NEXMIF: variants seen among roughly 807,000 people sequenced by gnomAD.
NEXMIF encodes the protein neurite extension and migration factor.
Under a neutral mutation model 62.1 loss-of-function variants are expected in NEXMIF, and 8 were observed. That is an observed-to-expected ratio of 0.13 (90% confidence interval 0.08 to 0.23). NEXMIF has a LOEUF of 0.23. NEXMIF is among the 10% of genes least tolerant of loss of function. The pLI, the probability that NEXMIF is intolerant of heterozygous loss-of-function variation, is 1.00. For missense variants in NEXMIF, 976 were observed against 1,113.3 expected (o/e 0.88, Z 1.75); for synonymous variants, 404 against 416.6 (o/e 0.97, Z 0.37).
At position 74,735,797 on chromosome X, in the gene NEXMIF, A is replaced by C. The variant is rs1383769096; in HGVS notation, c.*3608T>G. On this transcript the variant is annotated 3_prime_UTR_variant, in exon 4 of 4. Coordinates refer to ENST00000055682, the MANE Select transcript of NEXMIF (RefSeq NM_001008537.3). Reference sequence around the variant, plus strand: ...GAAGGGAAAGCTGGGAGGAAGCAGCATATGTGAAGAAGCTGGTATAAGAGA... The same window carrying C: ...GAAGGGAAAGCTGGGAGGAAGCAGCCTATGTGAAGAAGCTGGTATAAGAGA... The C allele has an allele frequency of 1.8e-5, 2 of 112,158 alleles. No homozygotes were observed. The highest frequency in any genetic ancestry group is 6.5e-5 in the African/African-American group (2 of 30,776). 9.2% of individuals were successfully genotyped at this position (112,158 alleles called of 1,213,427 possible).
intron 1 of NEXMIF, among the ~76,000 whole-genome samples, chrX:74,793,533 A>T (rs969598740): frequency 9.0e-6 from 1 of 110,977 alleles, no homozygotes; most frequent in African/African-American, 3.3e-5. Flanking sequence ...GCCTTGCTAG[A>T]TTGGGGAAGT....
chrX:74,889,699 A>AGC (rs397827456), intron 1 of NEXMIF, among the ~76,000 whole-genome samples: 1 of 109,439 alleles, frequency 9.1e-6, no homozygotes, highest in East Asian at 3.0e-4. Context: ...TTAAAAAGAG[A>AGC]GCTAATAAGG....
At chrX:74,883,130 C>T (rs982024567) in intron 1 of NEXMIF, among the ~76,000 whole-genome samples, 2 of 111,502 alleles carry the variant, frequency 1.8e-5, no homozygotes, top group Admixed American at 9.6e-5. Flanking sequence ...GACATACACA[C>T]CAAAAACCCA....
intron 1 of NEXMIF, among the ~76,000 whole-genome samples, chrX:74,874,096 G>C (rs1400060402): frequency 4.6e-5 from 5 of 107,828 alleles, no homozygotes; most frequent in African/African-American, 1.7e-4. Flanking sequence ...GTAATGCCTA[G>C]GTTTTCTTCT....
intron 1 of NEXMIF, among the ~76,000 whole-genome samples, chrX:74,786,272 AC>A (rs2080260038): frequency 8.9e-6 from 1 of 112,142 alleles, no homozygotes; most frequent in Non-Finnish European, 1.9e-5. Flanking sequence ...GATTTATATC[AC>A]ACAGAAAAGA....
chrX:74,746,193 T>C (rs1602213717), intron 1 of NEXMIF, among the ~76,000 whole-genome samples: 1 of 112,274 alleles, frequency 8.9e-6, no homozygotes, highest in East Asian at 2.8e-4. Flanking sequence ...ATATTCAGAT[T>C]TTCTCTTTCT....
At chrX:74,790,761 G>A (rs1171296027) in intron 1 of NEXMIF, among the ~76,000 whole-genome samples, 1 of 113,326 alleles carries the variant, frequency 8.8e-6, no homozygotes, top group African/African-American at 3.2e-5. Flanking sequence ...GTTCACTCCT[G>A]ATTTGGCTCT....
At chrX:74,913,808 T>A (rs2080798395) in intron 1 of NEXMIF, among the ~76,000 whole-genome samples, 1 of 111,418 alleles carries the variant, frequency 9.0e-6, no homozygotes, top group Non-Finnish European at 1.9e-5. Flanking sequence ...CTACATCAGG[T>A]GAAAATATCC....
At chrX:74,878,116 G>T (rs1337630164) in intron 1 of NEXMIF, among the ~76,000 whole-genome samples, 1 of 111,212 alleles carries the variant, frequency 9.0e-6, no homozygotes, top group East Asian at 2.8e-4. Context: ...CCATCTTTGT[G>T]GTTTTATCTA....
Position 74,775,784 on chromosome X carries a change from C to T in NEXMIF, c.-47-30087G>A, listed in dbSNP as rs774685013. Among the ~76,000 whole-genome samples the T allele has an allele frequency of 4.5e-5, 5 of 111,010 alleles. No homozygotes were observed. The South Asian group carries it at 1.2e-3, about 27-fold the overall frequency. ...GTGCAGTCACCCAAATTGTTGTCAC[C>T]GAGAAGCCATAGAAAGATAAGGCAA... On this transcript the variant is annotated intron_variant, in intron 1 of 3. Transcript: ENST00000055682.
chrX:74,881,516 G>A (rs917100991), intron 1 of NEXMIF, among the ~76,000 whole-genome samples: 2 of 110,639 alleles, frequency 1.8e-5, no homozygotes, highest in Non-Finnish European at 3.8e-5. Context: ...CTCAATCCAG[G>A]TACTGTTGAC....
rs772208969 is a variant in NEXMIF at position 74,740,737 on chromosome X, G to A, written c.3820C>T (p.Pro1274Ser). Residue 1274 changes from proline (P) to serine (S), a missense_variant, in exon 3 of 4, where the codon CCA (proline) becomes TCA (serine). Coordinates refer to ENST00000055682, the MANE Select transcript of NEXMIF (RefSeq NM_001008537.3). ...HGGPMASMKM[P>S]SQKGLSGDWA... ...TCTCCAGAAAGTCCCTTTTGACTTG[G>A]CATCTTCATAGAGGCCATAGGGCCA... The A allele has an allele frequency of 7.4e-6, 9 of 1,210,751 alleles. No individual in the cohort carries two copies. The highest frequency in any genetic ancestry group is 2.3e-4 in the Middle Eastern group (1 of 4,376).
intron 1 of NEXMIF, among the ~76,000 whole-genome samples, chrX:74,874,299 T>C (rs1224372748): frequency 2.9e-5 from 3 of 104,741 alleles, no homozygotes; most frequent in East Asian, 7.2e-4. Flanking sequence ...GATCAGATAG[T>C]TGTAGATATG....
intron 1 of NEXMIF, among the ~76,000 whole-genome samples, chrX:74,840,052 T>C (rs956842637): frequency 8.9e-6 from 1 of 112,100 alleles, no homozygotes; most frequent in Non-Finnish European, 1.9e-5. Flanking sequence ...GTGTTTCCTT[T>C]TCTCCACAAC....
chrX:74,910,420 G>A (rs1411913097), intron 1 of NEXMIF, among the ~76,000 whole-genome samples: 1 of 111,918 alleles, frequency 8.9e-6, no homozygotes, highest in Non-Finnish European at 1.9e-5. Context: ...TCTCCCATTT[G>A]GACAGATGTA....
In NEXMIF at chrX:74,743,898, G is replaced by T. The variant is rs778374350; in HGVS notation, c.659C>A (p.Thr220Asn). The T allele has an allele frequency of 8.3e-6, 10 of 1,211,433 alleles. No homozygotes were observed. Among genetic ancestry groups the T allele is most frequent in the Non-Finnish European group, 1.1e-5 (10 of 895,208 alleles). The change falls in exon 3 of 4, where the codon ACT becomes AAT. Residue 220 changes from threonine (T) to asparagine (N), a missense_variant. By Grantham distance (65) the Thr-to-Asn change is moderately conservative. This residue lies in a region of NEXMIF where 45 missense variants were observed against 86.8 expected (regional missense o/e 0.52). Transcript: ENST00000055682. Reference protein sequence around the residue: ...HKSRAGDRRETEKPDIDLEDP... With the variant: ...HKSRAGDRRENEKPDIDLEDP... Reference sequence around the variant, plus strand: ...CTCCAAGTCAATGTCAGGTTTCTCAGTTTCTCGTCTGTCTCCTGCCCTTGA... The same window carrying T: ...CTCCAAGTCAATGTCAGGTTTCTCATTTTCTCGTCTGTCTCCTGCCCTTGA...
intron 1 of NEXMIF, among the ~76,000 whole-genome samples, chrX:74,888,235 C>T (rs1382676160): frequency 4.6e-5 from 5 of 107,540 alleles, no homozygotes; most frequent in Non-Finnish European, 7.7e-5. Flanking sequence ...CACATGTATA[C>T]ATATGTAACA....
At chrX:74,888,102 A>G (rs932591147) in intron 1 of NEXMIF, among the ~76,000 whole-genome samples, 1 of 109,820 alleles carries the variant, frequency 9.1e-6, no homozygotes, top group African/African-American at 3.3e-5. Context: ...GAACACATGG[A>G]CACAGGAAGG....
chrX:74,790,481 A>G (rs1487797391), intron 1 of NEXMIF, among the ~76,000 whole-genome samples: 2 of 110,503 alleles, frequency 1.8e-5, no homozygotes, highest in Non-Finnish European at 3.8e-5. Context: ...TTCCATATGA[A>G]CTTTAAAGTA....
Sources: gnomAD v4.1 joint callset for allele counts (sites outside exome capture counted in the v4.1 genomes callset) on GRCh38, gnomAD v4.1.1 for gene constraint, gnomAD v4.1.1 regional missense constraint, MANE v1.5 for transcripts, NCBI Gene and HGNC (gene_info 2026-07-23, HGNC 2026-07-21) for gene names.